Variants in EPB41L1 observed in about 807,000 individuals in gnomAD.
EPB41L1 encodes erythrocyte membrane protein band 4.1 like 1, also known as band 4.1-like protein 1.
Under a neutral mutation model 97.8 loss-of-function variants are expected in EPB41L1, and 29 were observed. That is an observed-to-expected ratio of 0.30 (90% CI 0.22 to 0.40). The LOEUF (loss-of-function observed/expected upper bound fraction) is 0.40. Among genes scored for constraint, EPB41L1 ranks in the 10% least tolerant of loss-of-function variants. EPB41L1 has a pLI of 1.00. For missense variants in EPB41L1, 812 were observed against 1,162.3 expected, an observed-to-expected ratio of 0.70 and a Z score of 4.38; for synonymous variants, 383 against 459.2, an observed-to-expected ratio of 0.83 and a Z score of 2.12.
Position 36,200,034 on chromosome 20 carries a change from G to A in EPB41L1, c.1668+1993G>A, listed in dbSNP as rs551297043. ...ATAGTCCACTGCTGGAAAGAACTAT[G>A]GTCCAGGAGCTCACCCTGGAGCTAT... On this transcript the variant is annotated intron_variant, in intron 14 of 21. Transcript: ENST00000338074. Among the ~76,000 whole-genome samples the A allele has an allele frequency of 1.4e-4, 21 of 152,290 alleles. No homozygotes were observed. The South Asian group carries it at 3.5e-3, about 26-fold the overall frequency.
At chr20:36,185,587 T>C (rs777163405) in intron 7 of EPB41L1, among the ~76,000 whole-genome samples, 2 of 152,234 alleles carry the variant, frequency 1.3e-5, no homozygotes, top group Non-Finnish European at 2.9e-5. Flanking sequence ...TCCCTGTCCT[T>C]GGCCTCTGAG....
chr20:36,185,024 C>T (rs1455212847), intron 6 of EPB41L1, 93 bp from the exon 7 acceptor site: 5 of 1,262,422 alleles, frequency 4.0e-6, no homozygotes, highest in Non-Finnish European at 5.7e-6. Flanking sequence ...TTCTGCTGAG[C>T]TATGTTCTAT....
intron 3 of EPB41L1, among the ~76,000 whole-genome samples, chr20:36,176,375 C>T (rs1289729797): frequency 6.6e-6 from 1 of 152,212 alleles, no homozygotes; most frequent in Non-Finnish European, 1.5e-5. Flanking sequence ...TAATTCTGAG[C>T]TCTCGCTCGC....
intron 14 of EPB41L1, among the ~76,000 whole-genome samples, chr20:36,199,692 G>A (rs916970388): frequency 4.6e-5 from 7 of 152,212 alleles, no homozygotes; most frequent in Non-Finnish European, 8.8e-5. Flanking sequence ...CTGGGTGGCG[G>A]AGGCTGGTCT....
intron 1 of EPB41L1, among the ~76,000 whole-genome samples, chr20:36,157,394 C>G (rs1268291920): frequency 6.6e-6 from 1 of 152,226 alleles, no homozygotes. Flanking sequence ...TAATTATCCA[C>G]TTTTTACAGA....
At chr20:36,175,488 C>T in intron 2 of EPB41L1, 63 bp from the exon 3 acceptor site, 1 of 1,599,284 alleles carries the variant, frequency 6.3e-7, no homozygotes, top group East Asian at 2.2e-5. Flanking sequence ...TTGCTTCTTA[C>T]TTATATGAAA....
chr20:36,144,417 C>T (rs1363853831), intron 2 of EPB41L1, among the ~76,000 whole-genome samples: 1 of 152,178 alleles, frequency 6.6e-6, no homozygotes, highest in African/African-American at 2.4e-5. Flanking sequence ...ACTGAACAGG[C>T]TTGAGGCTTT....
Position 36,212,888 on chromosome 20 carries a change from G to A in EPB41L1, c.2184+512G>A, listed in dbSNP as rs2063213600. On this transcript the variant is annotated intron_variant, in intron 16 of 21. Transcript: ENST00000338074. The surrounding 1 kb of genome is among the most constrained non-coding windows in gnomAD (Gnocchi z 4.8). ...GTGAAAGAAGAAAACCGAAGATCAT[G>A]TGTCTTGACAAGAAGCAGCATCCTG... 6.6e-6 allele frequency among the ~76,000 whole-genome samples: 1 copy of A among 152,246 alleles called. No homozygotes were observed. The highest frequency in any genetic ancestry group is 1.5e-5 in the Non-Finnish European group (1 of 68,044).
Position 36,209,966 on chromosome 20 carries a change from C to A in EPB41L1, c.2079+68C>A. ...CATGCTCAGAGGGCCCTGGGCCACC[C>A]GTGAGAAGACCGAGCACCCAGCCTG... On this transcript the variant is annotated intron_variant, in intron 15 of 21. Transcript: ENST00000338074. The surrounding 1 kb of genome is among the most constrained non-coding windows in gnomAD (Gnocchi z 4.2). 2 of 1,570,118 alleles carry A rather than the reference C, an allele frequency of 1.3e-6. No homozygotes were observed. The highest frequency in any genetic ancestry group is 1.2e-5 in the South Asian group (1 of 86,324).
intron 1 of EPB41L1, among the ~76,000 whole-genome samples, chr20:36,101,789 A>C (rs1363946498): frequency 2.0e-5 from 3 of 152,110 alleles, no homozygotes; most frequent in Non-Finnish European, 4.4e-5. Flanking sequence ...CAGGTGGATC[A>C]CCTGAGGTCA....
chr20:36,160,699 A>G (rs1480843907), intron 1 of EPB41L1, among the ~76,000 whole-genome samples: 1 of 152,238 alleles, frequency 6.6e-6, no homozygotes, highest in Admixed American at 6.5e-5. Context: ...GTATCCTTCC[A>G]GGATATTTTC....
In EPB41L1 at chr20:36,093,447, G is replaced by A. The variant is rs1601171530; in HGVS notation, c.-65+1835G>A. Among the ~76,000 whole-genome samples the A allele has an allele frequency of 6.6e-6, 1 of 151,802 alleles. No homozygotes were observed. The highest frequency in any genetic ancestry group is 2.4e-5 in the African/African-American group (1 of 41,332). ...TGCGCGGCTTTGTCTTCGCACTGCC[G>A]GGAGGAAGCGGTGGGGGCGGCGGTC... On this transcript the variant is annotated intron_variant, in intron 1 of 19. Coordinates refer to the EPB41L1 transcript ENST00000202028. The surrounding 1 kb of genome is among the most constrained non-coding windows in gnomAD (Gnocchi z 5.4).
In EPB41L1 at chr20:36,230,388, T is replaced by C. The variant is rs1052853855; in HGVS notation, c.*1048T>C. The C allele has an allele frequency of 2.6e-5, 4 of 152,620 alleles. No homozygotes were observed. The highest frequency in any genetic ancestry group is 9.7e-5 in the African/African-American group (4 of 41,418). 9.5% of individuals were successfully genotyped at this position (152,620 alleles called of 1,614,324 possible). ...TGACTGTGATTGATGTATCCTGAGGTTCCTAGATCTCACTGAACTGGCCCA... is the reference window on the plus strand; with the variant it reads ...TGACTGTGATTGATGTATCCTGAGGCTCCTAGATCTCACTGAACTGGCCCA... On this transcript the variant is annotated 3_prime_UTR_variant, in exon 22 of 22. Transcript: ENST00000338074.
chr20:36,103,535 G>T (rs2058088828), intron 1 of EPB41L1, among the ~76,000 whole-genome samples: 1 of 152,138 alleles, frequency 6.6e-6, no homozygotes, highest in Non-Finnish European at 1.5e-5. Context: ...AATTTTCTCA[G>T]TTTAAAACAA....
intron 14 of EPB41L1, among the ~76,000 whole-genome samples, chr20:36,198,642 T>C (rs1467343378): frequency 6.6e-6 from 1 of 152,192 alleles, no homozygotes; most frequent in African/African-American, 2.4e-5. Context: ...AGTGGGGTGT[T>C]TTCTCGATTG....
chr20:36,179,868 G>A (rs1005276427), intron 5 of EPB41L1, among the ~76,000 whole-genome samples: 2 of 152,224 alleles, frequency 1.3e-5, no homozygotes, highest in South Asian at 4.1e-4. Flanking sequence ...GCACTCCTCG[G>A]GGGGCTGACA....
chr20:36,100,764 A>G (rs974632291), intron 1 of EPB41L1, among the ~76,000 whole-genome samples: 1 of 152,202 alleles, frequency 6.6e-6, no homozygotes, highest in Non-Finnish European at 1.5e-5. Context: ...ACAGAGGGGC[A>G]TGCATTTGCT....
intron 2 of EPB41L1, among the ~76,000 whole-genome samples, chr20:36,127,098 A>G (rs1047123428): frequency 6.6e-6 from 1 of 152,136 alleles, no homozygotes; most frequent in Non-Finnish European, 1.5e-5. Flanking sequence ...TTATTGTCCT[A>G]AGCCTCTGAC....
chr20:36,118,089 G>A (rs2058641564), intron 2 of EPB41L1, among the ~76,000 whole-genome samples: 1 of 152,200 alleles, frequency 6.6e-6, no homozygotes. Flanking sequence ...CTGAGGCAAG[G>A]GTCAGCACAA....
Sources: allele counts gnomAD v4.1 joint callset (sites outside exome capture counted in the v4.1 genomes callset), GRCh38; gene constraint gnomAD v4.1.1; non-coding constraint Gnocchi (gnomAD v3.1); transcripts MANE v1.5; gene names NCBI Gene and HGNC (gene_info 2026-07-23, HGNC 2026-07-21).